Variants in DYNC2H1 observed in about 807,000 individuals in gnomAD.
DYNC2H1 encodes cytoplasmic dynein 2 heavy chain 1.
DYNC2H1 carries 410 observed loss-of-function variants against 570.0 expected under a neutral mutation model. The ratio of observed to expected loss-of-function variants is 0.72; its 90% CI spans 0.66 to 0.78. The LOEUF (loss-of-function observed/expected upper bound fraction) is 0.78. Among genes scored for constraint, DYNC2H1 ranks in the 30% least tolerant of loss-of-function variants. DYNC2H1 has a pLI of 0.00. For synonymous variants in DYNC2H1, 1,688 were observed against 1,677.6 expected (o/e 1.01, Z -0.15); for missense variants, 4,865 against 5,046.4 (o/e 0.96, Z 1.09).
Position 103,319,625 on chromosome 11 carries a change from A to G in DYNC2H1, c.11726-1404A>G, listed in dbSNP as rs1361690313. 6.6e-6 allele frequency among the ~76,000 whole-genome samples: 1 copy of G among 152,128 alleles called. No individual in the cohort carries two copies. Among genetic ancestry groups the G allele is most frequent in the Non-Finnish European group, 1.5e-5 (1 of 67,988 alleles). On this transcript the variant is annotated intron_variant, in intron 80 of 88. Coordinates refer to ENST00000375735, the MANE Select transcript of DYNC2H1 (RefSeq NM_001377.3). The surrounding 1 kb of genome is among the most constrained non-coding windows in gnomAD (Gnocchi z 4.3). ...ATTTAAGTTCTATTCATTTTATTTT[A>G]TCCTGAACAACATAAAATTTGTTTT...
At chr11:103,154,311 T>C (rs537787742) in intron 22 of DYNC2H1, 140 bp from the exon 23 acceptor site, 53 of 654,118 alleles carry the variant, frequency 8.1e-5, no homozygotes, top group Admixed American at 5.2e-4. Context: ...TTTCTTATTG[T>C]TTCTTATTGT....
At chr11:103,285,671 C>G (rs545546181) in intron 73 of DYNC2H1, among the ~76,000 whole-genome samples, 3 of 151,730 alleles carry the variant, frequency 2.0e-5, no homozygotes, top group Non-Finnish European at 2.9e-5. Context: ...GTGATCTGCC[C>G]GCCTCAGCCT....
chr11:103,431,229 A>AAC (rs1179320377), intron 84 of DYNC2H1, among the ~76,000 whole-genome samples: 1 of 151,616 alleles, frequency 6.6e-6, no homozygotes, highest in Non-Finnish European at 1.5e-5. Flanking sequence ...AAAAAAAAAA[A>AAC]AAAACTAAAA....
At chr11:103,341,966 C>A (rs1439650889) in intron 82 of DYNC2H1, among the ~76,000 whole-genome samples, 1 of 152,098 alleles carries the variant, frequency 6.6e-6, no homozygotes, top group Non-Finnish European at 1.5e-5. Context: ...CATAGTGAGA[C>A]CCCTTCTCTA....
intron 83 of DYNC2H1, among the ~76,000 whole-genome samples, chr11:103,388,710 A>AG (rs1011590618): frequency 1.5e-3 from 119 of 80,188 alleles, no homozygotes; most frequent in Middle Eastern, 7.5e-3. Context: ...TTTAGCATGA[A>AG]GGTTGTTGAA....
At chr11:103,130,316 C>CT (rs1381875159) in intron 13 of DYNC2H1, among the ~76,000 whole-genome samples, 1 of 152,138 alleles carries the variant, frequency 6.6e-6, no homozygotes, top group East Asian at 1.9e-4. Flanking sequence ...CTTCTGAAAT[C>CT]TAAGTTCCCA....
chr11:103,153,708 AT>A lies in DYNC2H1; in HGVS notation c.3302+203del, dbSNP rs1258394463. On this transcript the variant is annotated intron_variant, in intron 22 of 88. Transcript: ENST00000375735. Reference sequence around the variant, plus strand: ...ATATAAGGATATTAAGAGAAAGCAAATTTCAAGAAAGGCCTAGAAGATAGAT... The same window carrying A: ...ATATAAGGATATTAAGAGAAAGCAAATTCAAGAAAGGCCTAGAAGATAGAT... 1.3e-3 allele frequency among the ~76,000 whole-genome samples: 196 copies of A among 152,128 alleles called. 2 individuals are homozygous for A. The highest frequency in any genetic ancestry group is 4.4e-3 in the African/African-American group (182 of 41,546).
rs538073483 is a variant in DYNC2H1, at chr11:103,389,407, G to A, written c.12157-10256G>A. ...TCTGCTCTCTTTTCTTATTAGTGTT[G>A]CTAGCAGTCTATCAATTTTGTTGAT... On this transcript the variant is annotated intron_variant, in intron 83 of 88. Transcript: ENST00000375735. Among the ~76,000 whole-genome samples the A allele has an allele frequency of 5.3e-5, 8 of 152,036 alleles. No individual in the cohort carries two copies. The South Asian group carries it at 8.3e-4, about 16-fold the overall frequency.
intron 83 of DYNC2H1, among the ~76,000 whole-genome samples, chr11:103,376,205 C>T (rs971473308): frequency 5.9e-5 from 9 of 152,218 alleles, no homozygotes; most frequent in Admixed American, 2.6e-4. Flanking sequence ...CCCAGCCAGG[C>T]AGAGATGTGA....
chr11:103,280,200 G>T lies in DYNC2H1; in HGVS notation c.10696-148G>T. ...TTGAAGTGTCTCTAAGATGTAGAAA[G>T]CAATCTGAATAGTAATTTCTTACAT... On this transcript the variant is annotated intron_variant, in intron 70 of 88. Coordinates refer to ENST00000375735, the MANE Select transcript of DYNC2H1 (RefSeq NM_001377.3). This position sits in a 1 kb window ranked among gnomAD's most constrained non-coding sequence, Gnocchi z 4.7. 1.4e-6 allele frequency: 1 copy of T among 732,778 alleles called. No homozygotes were observed. The highest frequency in any genetic ancestry group is 2.2e-6 in the Non-Finnish European group (1 of 449,358). 45.4% of individuals were successfully genotyped at this position (732,778 alleles called of 1,614,324 possible).
intron 83 of DYNC2H1, among the ~76,000 whole-genome samples, chr11:103,360,027 A>T (rs1940559272): frequency 6.6e-6 from 1 of 152,116 alleles, no homozygotes; most frequent in South Asian, 2.1e-4. Context: ...GATTTCTGCC[A>T]CAACACACCC....
chr11:103,285,389 G>A (rs1473672199), intron 73 of DYNC2H1, among the ~76,000 whole-genome samples: 1 of 151,316 alleles, frequency 6.6e-6, no homozygotes. Context: ...CAGATAACAA[G>A]GGTGGGAGAG....
chr11:103,118,032 A>G (rs886179183), intron 6 of DYNC2H1, among the ~76,000 whole-genome samples, 169 bp downstream of exon 6: 1 of 151,990 alleles, frequency 6.6e-6, no homozygotes, highest in African/African-American at 2.4e-5. Flanking sequence ...CTTTCTTTTT[A>G]TTTTGTGTGA....
At chr11:103,230,001 A>C (rs1863944501) in intron 59 of DYNC2H1, among the ~76,000 whole-genome samples, 1 of 152,132 alleles carries the variant, frequency 6.6e-6, no homozygotes, top group Non-Finnish European at 1.5e-5. Flanking sequence ...GCAGATTTTT[A>C]AACTCCACCC....
In DYNC2H1 at chr11:103,252,138, T is replaced by G. The variant is rs1864859771; in HGVS notation, c.10043-1147T>G. On this transcript the variant is annotated intron_variant, in intron 65 of 88. Coordinates refer to ENST00000375735, the MANE Select transcript of DYNC2H1 (RefSeq NM_001377.3). This position sits in a 1 kb window ranked among gnomAD's most constrained non-coding sequence, Gnocchi z 4.6. ...TTTGCAAAGACGAGGTCTCAGTATGTTTCCCAGATGGATCTTGAACTTCTG... is the reference window on the plus strand; with the variant it reads ...TTTGCAAAGACGAGGTCTCAGTATGGTTCCCAGATGGATCTTGAACTTCTG... Among the ~76,000 whole-genome samples the G allele has an allele frequency of 6.6e-6, 1 of 151,972 alleles. No homozygotes were observed. Among genetic ancestry groups the G allele is most frequent in the East Asian group, 1.9e-4 (1 of 5,186 alleles).
At chr11:103,353,587 T>G (rs1264486804) in intron 82 of DYNC2H1, among the ~76,000 whole-genome samples, 1 of 152,176 alleles carries the variant, frequency 6.6e-6, no homozygotes, top group Non-Finnish European at 1.5e-5. Flanking sequence ...TATATCTATA[T>G]ATAAAGATAC....
chr11:103,386,200 AAAT>A (rs1323171549), intron 83 of DYNC2H1, among the ~76,000 whole-genome samples: 2 of 152,234 alleles, frequency 1.3e-5, no homozygotes, highest in African/African-American at 4.8e-5. Context: ...ATAGAAGCTG[AAAT>A]AATCTTTTTA....
Position 103,275,055 on chromosome 11 carries a change from C to G in DYNC2H1, c.10696-5293C>G, listed in dbSNP as rs1865856523. On this transcript the variant is annotated intron_variant, in intron 70 of 88. Coordinates refer to ENST00000375735, the MANE Select transcript of DYNC2H1 (RefSeq NM_001377.3). This position sits in a 1 kb window ranked among gnomAD's most constrained non-coding sequence, Gnocchi z 4.8. ...GTTGCAGTGATCTGAGATTGCGCCA[C>G]TGCACTCCAGCCTGGGCGACAGTGA... Among the ~76,000 whole-genome samples, 1 of 152,070 alleles carries G rather than the reference C, an allele frequency of 6.6e-6. No individual in the cohort carries two copies. The highest frequency in any genetic ancestry group is 2.4e-5 in the African/African-American group (1 of 41,374).
intron 84 of DYNC2H1, chr11:103,406,133 C>T (rs1230463509): frequency 1.3e-5 from 2 of 151,962 alleles, no homozygotes; most frequent in East Asian, 3.9e-4. Flanking sequence ...GTCTTGCAGT[C>T]CTTAGATCTG....
Sources: allele counts gnomAD v4.1 joint callset (sites outside exome capture counted in the v4.1 genomes callset), GRCh38; gene constraint gnomAD v4.1.1; non-coding constraint Gnocchi (gnomAD v3.1); transcripts MANE v1.5; gene names NCBI Gene and HGNC (gene_info 2026-07-23, HGNC 2026-07-21).